The following GPAT3 variants were observed in gnomAD, a reference collection of about 807,000 sequenced individuals.
The protein encoded by GPAT3 is 1-AGP acyltransferase 9.
Under a neutral mutation model 58.8 loss-of-function variants are expected in GPAT3, and 53 were observed. The ratio of observed to expected loss-of-function variants is 0.90; its 90% CI spans 0.72 to 1.13. The LOEUF is 1.13. GPAT3 is among the 50% of genes most tolerant of loss of function. The pLI is 0.00. For synonymous variants in GPAT3, 197 were observed against 187.4 expected (o/e 1.05, Z -0.42); for missense variants, 511 against 527.6 (o/e 0.97, Z 0.31).
intron 2 of GPAT3, among the ~76,000 whole-genome samples, chr4:83,576,821 C>T (rs551578100): frequency 1.3e-4 from 20 of 152,204 alleles, no homozygotes; most frequent in Non-Finnish European, 2.6e-4. Context: ...GGTAATACCA[C>T]GGGTGAAAAT....
rs961065021 is a variant in GPAT3, at chr4:83,597,004, T to C, written c.910+91T>C. On this transcript the variant is annotated intron_variant, in intron 8 of 11. Transcript: ENST00000264409. ...TAGAATTGCCATAGAATTGGCAACC[T>C]TAGCCCAGATCTCTGCCCTTAGAGG... 14 of 1,145,988 alleles carry C rather than the reference T, an allele frequency of 1.2e-5. No individual in the cohort carries two copies. In the African/African-American group the frequency reaches 2.0e-4, roughly 17 times the overall value. 71.0% of individuals were successfully genotyped at this position (1,145,988 alleles called of 1,614,324 possible). A position where few individuals can be genotyped will look rare whatever the true frequency, so the allele number is the denominator to read the frequency against.
At chr4:83,593,057 G>T (rs1319619651) in intron 6 of GPAT3, among the ~76,000 whole-genome samples, 1 of 151,442 alleles carries the variant, frequency 6.6e-6, no homozygotes, top group African/African-American at 2.4e-5. Flanking sequence ...AGTAGAGACG[G>T]GGTTTTGCCA....
intron 5 of GPAT3, among the ~76,000 whole-genome samples, chr4:83,589,904 C>T (rs965735948): frequency 6.6e-6 from 1 of 152,026 alleles, no homozygotes; most frequent in African/African-American, 2.4e-5. Flanking sequence ...CCAGCCTGGC[C>T]AACATGGAGA....
chr4:83,595,672 C>A (rs1028300240), intron 7 of GPAT3, among the ~76,000 whole-genome samples: 94 of 151,996 alleles, frequency 6.2e-4, no homozygotes, highest in African/African-American at 1.9e-3. Flanking sequence ...TGAGATTACA[C>A]TACTGCCCTC....
chr4:83,587,185 T>C (rs1319051368), intron 3 of GPAT3, 70 bp from the exon 4 acceptor site: 4 of 1,220,804 alleles, frequency 3.3e-6, no homozygotes. Flanking sequence ...AATTTTATTA[T>C]TTAGGAACTT....
intron 2 of GPAT3, among the ~76,000 whole-genome samples, chr4:83,580,878 C>T (rs1479360120): frequency 2.6e-5 from 4 of 151,940 alleles, no homozygotes; most frequent in South Asian, 2.1e-4. Context: ...AGGCAGATCA[C>T]GAGGTCAGGA....
chr4:83,555,052 C>T (rs898818930), intron 2 of GPAT3, among the ~76,000 whole-genome samples: 3 of 152,224 alleles, frequency 2.0e-5, no homozygotes, highest in Non-Finnish European at 4.4e-5. Context: ...GATCCACCTG[C>T]CTTGGCCTCC....
chr4:83,585,008 G>A (rs1457779962), intron 3 of GPAT3, among the ~76,000 whole-genome samples: 8 of 152,164 alleles, frequency 5.3e-5, no homozygotes, highest in Middle Eastern at 3.2e-3. Context: ...TGTTAAACAT[G>A]TTAAAATGAA....
At position 83,574,624 on chromosome 4, in the gene GPAT3, A is replaced by ATTTTTTTTTTTTTTTTTTTTTTTTTT. The variant is rs561972057; in HGVS notation, c.209-6910_209-6885dup. ...AAAGCTGACTTGTAAAGTAAAATGAATTTTTTTTTTTTTTTTTTTTTTTTT... is the reference window on the plus strand; with the variant it reads ...AAAGCTGACTTGTAAAGTAAAATGAATTTTTTTTTTTTTTTTTTTTTTTTTTTTTTTTTTTTTTTTTTTTTTTTTTT... On this transcript the variant is annotated intron_variant, in intron 2 of 11. Transcript: ENST00000264409. 3.6e-5 allele frequency among the ~76,000 whole-genome samples: 2 copies of ATTTTTTTTTTTTTTTTTTTTTTTTTT among 55,558 alleles called. 1 individual carries two copies. Among genetic ancestry groups the ATTTTTTTTTTTTTTTTTTTTTTTTTT allele is most frequent in the Non-Finnish European group, 7.0e-5 (2 of 28,580 alleles). The allele number at this position is 55,558 out of a possible 152,430, so 36.4% of individuals were successfully genotyped here.
At chr4:83,538,305 A>C (rs564072682) in intron 1 of GPAT3, among the ~76,000 whole-genome samples, 64 of 152,266 alleles carry the variant, frequency 4.2e-4, no homozygotes, top group Admixed American at 1.8e-3. Context: ...CTCAGTGCTC[A>C]TGTTTTTAAA....
intron 2 of GPAT3, among the ~76,000 whole-genome samples, chr4:83,580,662 A>G (rs1726078684): frequency 1.3e-5 from 2 of 152,216 alleles, no homozygotes; most frequent in Non-Finnish European, 2.9e-5. Flanking sequence ...GATACTGTAA[A>G]TAGGCCTTTG....
Position 83,581,558 on chromosome 4 carries a change from T to C in GPAT3, c.209-4T>C, listed in dbSNP as rs773963382. On this transcript the variant is annotated splice_region_variant and splice_polypyrimidine_tract_variant and intron_variant, in intron 2 of 11. Coordinates refer to ENST00000264409, the MANE Select transcript of GPAT3 (RefSeq NM_032717.5). ...TTTCTCATGTCCTGATGCTTTCTTTTAAGGTATTATCCAAAGAGATGAGTC... is the reference window on the plus strand; with the variant it reads ...TTTCTCATGTCCTGATGCTTTCTTTCAAGGTATTATCCAAAGAGATGAGTC... 6.2e-7 allele frequency: 1 copy of C among 1,611,824 alleles called. No individual in the cohort carries two copies. The highest frequency in any genetic ancestry group is 8.5e-7 in the Non-Finnish European group (1 of 1,178,916).
At chr4:83,550,193 T>C (rs1306418772) in intron 2 of GPAT3, among the ~76,000 whole-genome samples, 1 of 151,734 alleles carries the variant, frequency 6.6e-6, no homozygotes, top group Non-Finnish European at 1.5e-5. Context: ...TTTTCAAATA[T>C]ATTTTAAAGA....
At chr4:83,575,640 T>G (rs947847648) in intron 2 of GPAT3, among the ~76,000 whole-genome samples, 1 of 152,044 alleles carries the variant, frequency 6.6e-6, no homozygotes, top group African/African-American at 2.4e-5. Context: ...GGTCTCGATC[T>G]CCTGACCTCG....
At chr4:83,575,493 A>T (rs1034907554) in intron 2 of GPAT3, among the ~76,000 whole-genome samples, 1 of 151,812 alleles carries the variant, frequency 6.6e-6, no homozygotes, top group Non-Finnish European at 1.5e-5. Flanking sequence ...GCTCACTGCA[A>T]GCTCCACCTC....
chr4:83,578,290 GAAA>G (rs1725894646), intron 2 of GPAT3, among the ~76,000 whole-genome samples: 2 of 152,064 alleles, frequency 1.3e-5, no homozygotes. Flanking sequence ...AATCCTTTGG[GAAA>G]TTAATCCTTT....
rs186013376 is a variant in GPAT3 at position 83,556,889 on chromosome 4, C to A, written c.208+12287C>A. On this transcript the variant is annotated intron_variant, in intron 2 of 11. Coordinates refer to ENST00000264409, the MANE Select transcript of GPAT3 (RefSeq NM_032717.5). Reference sequence around the variant, plus strand: ...GAGTGGGTGGCTTATAAACAACAAACACTGATTTTTCACAGTTCCGGAGGC... The same window carrying A: ...GAGTGGGTGGCTTATAAACAACAAAAACTGATTTTTCACAGTTCCGGAGGC... 2.0e-5 allele frequency among the ~76,000 whole-genome samples: 3 copies of A among 152,126 alleles called. No homozygotes were observed. The South Asian group carries it at 6.2e-4, about 32-fold the overall frequency.
At chr4:83,598,490 G>T (rs750552370) in intron 10 of GPAT3, 154 bp from the exon 11 acceptor site, 2 of 794,598 alleles carry the variant, frequency 2.5e-6, no homozygotes, top group Non-Finnish European at 2.1e-6. Flanking sequence ...TTTCTTTATA[G>T]AACAAATGAT....
intron 2 of GPAT3, among the ~76,000 whole-genome samples, chr4:83,548,937 T>C (rs1440932898): frequency 6.6e-6 from 1 of 152,196 alleles, no homozygotes; most frequent in African/African-American, 2.4e-5. Context: ...TTTGGGAATT[T>C]TTTTCTGTGA....
Sources: allele counts gnomAD v4.1 joint callset (sites outside exome capture counted in the v4.1 genomes callset), GRCh38; gene constraint gnomAD v4.1.1; transcripts MANE v1.5; gene names NCBI Gene and HGNC (gene_info 2026-07-23, HGNC 2026-07-21).